Variants in ARHGEF12 observed in about 807,000 individuals in gnomAD.
ARHGEF12 encodes the protein Rho guanine nucleotide exchange factor 12.
ARHGEF12 carries 66 observed loss-of-function variants against 211.2 expected under a neutral mutation model. That is an observed-to-expected ratio of 0.31 (90% CI 0.26 to 0.38). The LOEUF is 0.38. ARHGEF12 is among the 10% of genes least tolerant of loss of function. ARHGEF12 has a pLI of 1.00. For missense variants in ARHGEF12, 1,429 were observed against 1,869.5 expected (o/e 0.76, Z 4.34); for synonymous variants, 592 against 638.4 (o/e 0.93, Z 1.09).
chr11:120,407,944 C>T (rs1944761873), intron 3 of ARHGEF12, 121 bp downstream of exon 3: 5 of 761,926 alleles, frequency 6.6e-6, no homozygotes, highest in Non-Finnish European at 1.0e-5. Context: ...TCTCACATTC[C>T]TCCAATTATA....
At chr11:120,393,309 G>A (rs951108399) in intron 1 of ARHGEF12, among the ~76,000 whole-genome samples, 2 of 152,054 alleles carry the variant, frequency 1.3e-5, no homozygotes, top group Admixed American at 1.3e-4. Flanking sequence ...GAGACAAATA[G>A]CAAGATGATA....
At position 120,489,684 on chromosome 11, in the gene ARHGEF12, A is replaced by T. The variant is rs1318322695; in HGVS notation, c.*4607A>T. ...TTTGGCTGACGGAGCTAATAAGCGT[A>T]ATAAAATGCTTAGTAGTTTATACCA... On this transcript the variant is annotated 3_prime_UTR_variant, in exon 41 of 41. Transcript: ENST00000397843. 4.8e-6 allele frequency: 1 copy of T among 208,158 alleles called. No homozygotes were observed. Among genetic ancestry groups the T allele is most frequent in the East Asian group, 7.2e-5 (1 of 13,844 alleles). 12.9% of individuals were successfully genotyped at this position (208,158 alleles called of 1,614,324 possible).
At chr11:120,484,975 T>A in intron 40 of ARHGEF12, 92 bp from the exon 41 acceptor site, 3 of 1,367,774 alleles carry the variant, frequency 2.2e-6, no homozygotes, top group Non-Finnish European at 3.1e-6. Context: ...AAACAAAGAT[T>A]GAACCACGCC....
At chr11:120,354,692 G>A (rs1006236579) in intron 1 of ARHGEF12, among the ~76,000 whole-genome samples, 1 of 152,172 alleles carries the variant, frequency 6.6e-6, no homozygotes, top group Non-Finnish European at 1.5e-5. Context: ...GAGGTAGGCA[G>A]ATCATTGGTT....
intron 1 of ARHGEF12, among the ~76,000 whole-genome samples, chr11:120,370,083 C>T (rs1423348167): frequency 6.6e-6 from 1 of 152,056 alleles, no homozygotes; most frequent in Non-Finnish European, 1.5e-5. Context: ...GTTCTATATT[C>T]AGCAATGTGT....
Position 120,474,644 on chromosome 11 carries a change from G to A in ARHGEF12, c.3109+9G>A. Reference sequence around the variant, plus strand: ...TAGAGATAAAACTATTGGTAGGTCTGATATTGTCTTTTAGTTTTGGGGAGA... The same window carrying A: ...TAGAGATAAAACTATTGGTAGGTCTAATATTGTCTTTTAGTTTTGGGGAGA... On this transcript the variant is annotated intron_variant, in intron 32 of 40. Transcript: ENST00000397843. 1 of 1,599,140 alleles carries A rather than the reference G, an allele frequency of 6.3e-7. No individual in the cohort carries two copies. Among genetic ancestry groups the A allele is most frequent in the South Asian group, 1.1e-5 (1 of 87,946 alleles).
intron 1 of ARHGEF12, chr11:120,385,355 G>A (rs1192089460): frequency 1.0e-5 from 10 of 985,328 alleles, no homozygotes; most frequent in Non-Finnish European, 1.2e-5. Context: ...CAAGGATGTC[G>A]AATGTATATA....
intron 38 of ARHGEF12, 69 bp from the exon 39 acceptor site, chr11:120,481,191 C>T (rs1947224236): frequency 1.4e-6 from 2 of 1,421,204 alleles, no homozygotes; most frequent in African/African-American, 1.4e-5. Flanking sequence ...AAGTTGTCAG[C>T]ACACTATGCT....
intron 1 of ARHGEF12, among the ~76,000 whole-genome samples, chr11:120,377,819 G>C (rs1943772038): frequency 1.3e-5 from 2 of 152,086 alleles, no homozygotes; most frequent in Admixed American, 1.3e-4. Flanking sequence ...GAATAAATCT[G>C]AACATTTTCC....
At chr11:120,339,005 C>CTTTTTTT (rs906260027) in intron 1 of ARHGEF12, among the ~76,000 whole-genome samples, 1,350 of 121,306 alleles carry the variant, frequency 0.011, 2 homozygotes, top group African/African-American at 0.016. Context: ...TTTTCTTTTT[C>CTTTTTTT]TTTTTTTTTT....
chr11:120,365,418 C>T (rs559012506), intron 1 of ARHGEF12, among the ~76,000 whole-genome samples: 3 of 152,124 alleles, frequency 2.0e-5, no homozygotes, highest in African/African-American at 2.4e-5. Flanking sequence ...AGAGGAATAT[C>T]GTGATCAGTA....
intron 18 of ARHGEF12, chr11:120,447,288 G>T (rs1048947384): frequency 1.7e-5 from 8 of 483,132 alleles, no homozygotes; most frequent in African/African-American, 1.2e-4. Flanking sequence ...TTTCTGGGTG[G>T]TGGTAAATGG....
chr11:120,481,184 T>A, intron 38 of ARHGEF12, 76 bp from the exon 39 acceptor site: 1 of 1,354,690 alleles, frequency 7.4e-7, no homozygotes, highest in Non-Finnish European at 1.0e-6. Flanking sequence ...CAAGTTGAAG[T>A]TGTCAGCACA....
rs566488913 is a variant in ARHGEF12 at position 120,454,141 on chromosome 11, C to T, written c.2056+2417C>T. Among the ~76,000 whole-genome samples the T allele has an allele frequency of 8.1e-4, 124 of 152,276 alleles. 1 individual carries two copies. Among genetic ancestry groups the T allele is most frequent in the Admixed American group, 3.1e-3 (47 of 15,292 alleles). On this transcript the variant is annotated intron_variant, in intron 22 of 40. Coordinates refer to ENST00000397843, the MANE Select transcript of ARHGEF12 (RefSeq NM_015313.3). ...GGCAACCCACTGTGCTCAGAGAGCT[C>T]TCAACTGAAACAGACCTATTACTAT...
chr11:120,405,244 A>G (rs1451186176), intron 1 of ARHGEF12, among the ~76,000 whole-genome samples: 4 of 152,180 alleles, frequency 2.6e-5, no homozygotes, highest in African/African-American at 4.8e-5. Context: ...TACGGTTCCT[A>G]TTACTAAATA....
chr11:120,421,955 C>T, intron 6 of ARHGEF12, 103 bp downstream of exon 6: 1 of 843,872 alleles, frequency 1.2e-6, no homozygotes, highest in South Asian at 1.7e-5. Flanking sequence ...AAGCATCATA[C>T]TTCTATGTAT....
intron 6 of ARHGEF12, among the ~76,000 whole-genome samples, chr11:120,423,891 C>T (rs560571197): frequency 3.3e-5 from 5 of 152,038 alleles, no homozygotes; most frequent in South Asian, 2.1e-4. Context: ...TACATTTAGC[C>T]GGTCTGAAAA....
rs1947080079 is a variant in ARHGEF12 at position 120,477,474 on chromosome 11, A to T, written c.3480A>T (p.Ser1160=). The T allele has an allele frequency of 6.2e-7, 1 of 1,611,288 alleles. No homozygotes were observed. The highest frequency in any genetic ancestry group is 8.5e-7 in the Non-Finnish European group (1 of 1,179,414). ...GAGATAATGATGAAGAAGATCCTTC[A>T]AAATTAAAAGAGGAGCAGCATGGCA... ...GEGDNDEEDP[S]KLKEEQHGIS... is the part of the protein sequence containing the mutation. The change falls in exon 36 of 41, where the codon TCA becomes TCT. Residue 1160 remains serine, a synonymous_variant. Coordinates refer to ENST00000397843, the MANE Select transcript of ARHGEF12 (RefSeq NM_015313.3).
intron 1 of ARHGEF12, among the ~76,000 whole-genome samples, chr11:120,400,860 A>T (rs541631873): frequency 6.6e-6 from 1 of 152,326 alleles, no homozygotes; most frequent in East Asian, 1.9e-4. Flanking sequence ...ATATTTAAGA[A>T]GGTAATTTGA....
Sources: gnomAD v4.1 joint callset for allele counts (sites outside exome capture counted in the v4.1 genomes callset) on GRCh38, gnomAD v4.1.1 for gene constraint, MANE v1.5 for transcripts, NCBI Gene and HGNC (gene_info 2026-07-23, HGNC 2026-07-21) for gene names.